SHLD1: variants seen among roughly 807,000 people sequenced by gnomAD.
SHLD1 encodes the protein shieldin complex subunit 1, also known as RINN1-REV7-interacting novel NHEJ regulator 3.
In SHLD1, 3 loss-of-function variants were observed where a neutral mutation model predicts 5.5. That is an observed-to-expected ratio of 0.54 (90% CI 0.25 to 1.40). SHLD1 has a LOEUF of 1.40. Ranked by LOEUF, SHLD1 falls within the 40% of genes most tolerant of loss-of-function variation. The pLI, the probability that SHLD1 is intolerant of heterozygous loss-of-function variation, is 0.15. For synonymous variants in SHLD1, 92 were observed against 94.3 expected (o/e 0.98, Z 0.14); for missense variants, 210 against 244.4 (o/e 0.86, Z 0.94).
chr20:5,823,028 A>C (rs568414237), intron 2 of SHLD1, among the ~76,000 whole-genome samples: 33 of 71,212 alleles, frequency 4.6e-4, no homozygotes, highest in African/African-American at 1.6e-3. Flanking sequence ...ATACTCCACC[A>C]CTGCTATTGT....
In SHLD1 at chr20:5,774,758, C is replaced by T. The variant is rs139392927; in HGVS notation, c.178+1715C>T. On this transcript the variant is annotated intron_variant, in intron 2 of 2. Coordinates refer to ENST00000303142, the MANE Select transcript of SHLD1 (RefSeq NM_152504.4). ...ACTGCCCCATGAACCAATCACCTCC[C>T]ACCAGGCCCCACTTCCAACACTGGG... Among the ~76,000 whole-genome samples, 956 of 152,312 alleles carry T rather than the reference C, an allele frequency of 6.3e-3. 11 individuals are homozygous for T. Among genetic ancestry groups the T allele is most frequent in the Admixed American group, 0.01 (154 of 15,292 alleles).
At chr20:5,764,850 G>A (rs1984737164) in intron 1 of SHLD1, among the ~76,000 whole-genome samples, 1 of 152,114 alleles carries the variant, frequency 6.6e-6, no homozygotes, top group African/African-American at 2.4e-5. Flanking sequence ...ATATTTGGAG[G>A]GAAGTGGCTG....
At chr20:5,754,381 G>T (rs1983941808) in intron 1 of SHLD1, among the ~76,000 whole-genome samples, 1 of 152,116 alleles carries the variant, frequency 6.6e-6, no homozygotes, top group Admixed American at 6.6e-5. Context: ...AAAGTGCTGG[G>T]ACTACAGGTG....
intron 1 of SHLD1, among the ~76,000 whole-genome samples, chr20:5,764,156 A>ATATATATATATATATT (rs1453233954): frequency 0.026 from 1,175 of 45,522 alleles, 13 homozygotes; most frequent in Non-Finnish European, 0.04. Flanking sequence ...ATATATTTAT[A>ATATATATATATATATT]TTTATATATA....
chr20:5,776,926 C>T (rs1171561143), intron 2 of SHLD1, among the ~76,000 whole-genome samples: 3 of 152,076 alleles, frequency 2.0e-5, no homozygotes, highest in African/African-American at 7.2e-5. Flanking sequence ...ATTTATTGAG[C>T]ATTTACTACC....
intron 2 of SHLD1, among the ~76,000 whole-genome samples, chr20:5,811,770 C>A (rs895596263): frequency 1.3e-5 from 2 of 151,830 alleles, no homozygotes; most frequent in African/African-American, 4.8e-5. Flanking sequence ...GTGGGAGGAG[C>A]ACTTGAGCCC....
At chr20:5,757,958 T>C (rs1335636196) in intron 1 of SHLD1, among the ~76,000 whole-genome samples, 1 of 152,156 alleles carries the variant, frequency 6.6e-6, no homozygotes, top group South Asian at 2.1e-4. Context: ...ATTAGGTCCA[T>C]GTTAGAGTAT....
chr20:5,778,476 A>G (rs1985541484), intron 2 of SHLD1, among the ~76,000 whole-genome samples: 1 of 151,794 alleles, frequency 6.6e-6, no homozygotes, highest in Admixed American at 6.6e-5. Flanking sequence ...GTGTGGTGGT[A>G]CACACCTGTG....
intron 1 of SHLD1, among the ~76,000 whole-genome samples, chr20:5,757,709 TCTC>T (rs756389017): frequency 2.3e-4 from 35 of 152,118 alleles, no homozygotes; most frequent in Non-Finnish European, 4.1e-4. Flanking sequence ...TTCAAGCAAT[TCTC>T]CTGCCTCAGC....
chr20:5,812,309 G>A (rs1371838861), intron 2 of SHLD1, among the ~76,000 whole-genome samples: 1 of 151,972 alleles, frequency 6.6e-6, no homozygotes, highest in East Asian at 1.9e-4. Context: ...TTTCATCATG[G>A]CCTAGCATGA....
chr20:5,775,338 C>G (rs1352096754), intron 2 of SHLD1, among the ~76,000 whole-genome samples: 1 of 152,122 alleles, frequency 6.6e-6, no homozygotes, highest in Non-Finnish European at 1.5e-5. Context: ...CAACCATATC[C>G]AGTTTGAACA....
intron 2 of SHLD1, among the ~76,000 whole-genome samples, chr20:5,844,981 A>G (rs973240149): frequency 2.0e-5 from 3 of 151,534 alleles, no homozygotes; most frequent in Admixed American, 6.6e-5. Flanking sequence ...TATTTTTAGT[A>G]GAGATGGGGT....
chr20:5,784,717 T>A (rs914072047), intron 2 of SHLD1, among the ~76,000 whole-genome samples: 3 of 152,244 alleles, frequency 2.0e-5, no homozygotes, highest in Non-Finnish European at 4.4e-5. Context: ...CCCAAAGTGC[T>A]GGGATTACAG....
intron 2 of SHLD1, among the ~76,000 whole-genome samples, chr20:5,805,789 C>T (rs2087366192): frequency 6.6e-6 from 1 of 151,996 alleles, no homozygotes. Context: ...TTGGTAGAGA[C>T]AGGGTTTCAC....
At chr20:5,817,432 C>CTCTCTCTCTCTCTCTG (rs1473391202) in intron 2 of SHLD1, among the ~76,000 whole-genome samples, 41 of 85,656 alleles carry the variant, frequency 4.8e-4, no homozygotes, top group South Asian at 9.8e-4. Flanking sequence ...CTCTCTCTCT[C>CTCTCTCTCTCTCTCTG]TGTGTGTGTG....
At chr20:5,823,011 C>T (rs2087625290) in intron 2 of SHLD1, among the ~76,000 whole-genome samples, 1 of 149,786 alleles carries the variant, frequency 6.7e-6, no homozygotes, top group African/African-American at 2.5e-5. Flanking sequence ...CGCCCCCACC[C>T]CCATATATAC....
intron 2 of SHLD1, among the ~76,000 whole-genome samples, chr20:5,817,394 TTCTCTCTCTC>T (rs144955343): frequency 2.1e-3 from 157 of 75,844 alleles, no homozygotes; most frequent in African/African-American, 5.9e-3. Flanking sequence ...ACGGGATATT[TTCTCTCTCTC>T]TCTCTCTCTC....
At chr20:5,763,290 CAAA>C (rs57863188) in intron 1 of SHLD1, among the ~76,000 whole-genome samples, 3 of 58,118 alleles carry the variant, frequency 5.2e-5, no homozygotes, top group Non-Finnish European at 1.0e-4. Context: ...AACTCCATCT[CAAA>C]AAAAAAAAAA....
chr20:5,825,920 C>T (rs979672622), intron 2 of SHLD1, among the ~76,000 whole-genome samples: 11 of 152,162 alleles, frequency 7.2e-5, no homozygotes, highest in African/African-American at 1.7e-4. Context: ...ATGCAACTGA[C>T]GACATGGGGA....
Sources: gnomAD v4.1 joint callset for allele counts (sites outside exome capture counted in the v4.1 genomes callset) on GRCh38, gnomAD v4.1.1 for gene constraint, MANE v1.5 for transcripts, NCBI Gene and HGNC (gene_info 2026-07-23, HGNC 2026-07-21) for gene names.